ASCC1: variants seen among roughly 807,000 people sequenced by gnomAD.
The protein encoded by ASCC1 is activating signal cointegrator 1 complex subunit 1, also known as ASC-1 complex subunit P50.
ASCC1 carries 35 observed loss-of-function variants against 46.6 expected under a neutral mutation model. The observed-to-expected ratio is 0.75, with a 90% CI of 0.57 to 0.99. The LOEUF (loss-of-function observed/expected upper bound fraction) is 0.99. ASCC1 is among the 50% of genes least tolerant of loss of function. The pLI, the probability that ASCC1 is intolerant of heterozygous loss-of-function variation, is 0.00. For missense variants in ASCC1, 376 were observed against 428.7 expected, an observed-to-expected ratio of 0.88 and a Z score of 1.09; for synonymous variants, 143 against 146.6, an observed-to-expected ratio of 0.98 and a Z score of 0.18.
chr10:72,101,376 G>A (rs1040914661), intron 9 of ASCC1, among the ~76,000 whole-genome samples: 13 of 152,134 alleles, frequency 8.5e-5, no homozygotes, highest in South Asian at 2.1e-4. Flanking sequence ...AAATGCAGCA[G>A]GAGGTAAGGA....
At chr10:72,151,712 C>T (rs1176338278) in intron 7 of ASCC1, among the ~76,000 whole-genome samples, 2 of 150,312 alleles carry the variant, frequency 1.3e-5, no homozygotes, top group African/African-American at 2.5e-5. Context: ...TTTTTTTAGA[C>T]GGAGTCTCGC....
At chr10:72,190,651 T>C (rs1255857625) in intron 5 of ASCC1, 2 of 758,242 alleles carry the variant, frequency 2.6e-6, no homozygotes, top group East Asian at 2.7e-5. Context: ...GTGTTATTTG[T>C]CTGTTAAAGC....
At chr10:72,166,165 T>C (rs1850311423) in intron 5 of ASCC1, among the ~76,000 whole-genome samples, 1 of 152,198 alleles carries the variant, frequency 6.6e-6, no homozygotes, top group Admixed American at 6.5e-5. Context: ...TTGCCCAAAG[T>C]GGGCTAGGAC....
At chr10:72,172,219 G>A (rs1397542280) in intron 5 of ASCC1, among the ~76,000 whole-genome samples, 1 of 151,762 alleles carries the variant, frequency 6.6e-6, no homozygotes, top group African/African-American at 2.4e-5. Context: ...ATCGAGACCA[G>A]CCTGGGCAAC....
At chr10:72,108,432 A>G (rs1487774459) in intron 9 of ASCC1, among the ~76,000 whole-genome samples, 1 of 152,152 alleles carries the variant, frequency 6.6e-6, no homozygotes, top group Non-Finnish European at 1.5e-5. Flanking sequence ...AAGAAAACAA[A>G]CTGTAATTAA....
At chr10:72,145,130 T>C (rs753100911) in intron 7 of ASCC1, among the ~76,000 whole-genome samples, 7 of 152,348 alleles carry the variant, frequency 4.6e-5, no homozygotes, top group Middle Eastern at 3.4e-3. Flanking sequence ...GCTTCTGTTA[T>C]TGTTATTGAG....
intron 9 of ASCC1, among the ~76,000 whole-genome samples, chr10:72,099,713 G>A (rs560617476): frequency 1.3e-5 from 2 of 152,172 alleles, no homozygotes; most frequent in East Asian, 1.9e-4. Context: ...GCAGCTACCC[G>A]GGAGACTGAG....
At chr10:72,175,103 A>C (rs1388127048) in intron 5 of ASCC1, among the ~76,000 whole-genome samples, 1 of 152,210 alleles carries the variant, frequency 6.6e-6, no homozygotes, top group Admixed American at 6.5e-5. Context: ...TATTCAAATA[A>C]GGCAAAGTGA....
At chr10:72,215,162 G>A (rs528578087) in intron 1 of ASCC1, among the ~76,000 whole-genome samples, 1 of 152,320 alleles carries the variant, frequency 6.6e-6, no homozygotes, top group Admixed American at 6.5e-5. Context: ...CAGCACTTTA[G>A]GAGGCCGAGG....
chr10:72,203,649 A>G (rs529047536), intron 3 of ASCC1, 125 bp from the exon 4 acceptor site: 1 of 745,358 alleles, frequency 1.3e-6, no homozygotes, highest in Middle Eastern at 2.4e-4. Context: ...TAAAAGCTCA[A>G]TATTTGCGGA....
intron 5 of ASCC1, chr10:72,190,054 T>G (rs4635010): frequency 0.52 from 395,417 of 756,684 alleles, 107,863 homozygotes; most frequent in African/African-American, 0.77. Flanking sequence ...CCCTCCACAG[T>G]GCTCCCCACC....
intron 9 of ASCC1, among the ~76,000 whole-genome samples, chr10:72,119,930 A>T (rs972916505): frequency 6.6e-6 from 1 of 152,228 alleles, no homozygotes; most frequent in Admixed American, 6.5e-5. Context: ...AAAGAGAAAT[A>T]CTAGTGATTA....
chr10:72,188,121 CTT>C (rs1169395541), intron 5 of ASCC1, among the ~76,000 whole-genome samples: 29 of 124,414 alleles, frequency 2.3e-4, no homozygotes, highest in Admixed American at 1.6e-4. Context: ...AATACTTCTT[CTT>C]TTTTTTTTTT....
intron 8 of ASCC1, among the ~76,000 whole-genome samples, chr10:72,128,571 A>G (rs567586010): frequency 2.0e-5 from 3 of 152,352 alleles, no homozygotes; most frequent in African/African-American, 7.2e-5. Flanking sequence ...AATTTTAAAT[A>G]TGTAAAAATA....
intron 9 of ASCC1, among the ~76,000 whole-genome samples, chr10:72,119,726 A>G (rs890157480): frequency 6.6e-6 from 1 of 152,174 alleles, no homozygotes; most frequent in African/African-American, 2.4e-5. Flanking sequence ...AAGGAAAAAA[A>G]AAAAACCAAC....
chr10:72,151,280 G>C lies in ASCC1; in HGVS notation c.746+1589C>G, dbSNP rs551337541. Among the ~76,000 whole-genome samples the C allele has an allele frequency of 3.9e-5, 6 of 152,340 alleles. No individual in the cohort carries two copies. The South Asian group carries it at 1.2e-3, about 32-fold the overall frequency. The stretch of plus-strand genomic sequence containing the variant: ...ACTATGCAGCCATAAAAAAGGATGA[G>C]TTCACGTCCTTTGTGGACATGGATG... On this transcript the variant is annotated intron_variant, in intron 7 of 9. Coordinates refer to ENST00000672957, the MANE Select transcript of ASCC1 (RefSeq NM_001198800.3).
chr10:72,184,193 C>A, intron 5 of ASCC1, among the ~76,000 whole-genome samples: 2 of 141,882 alleles, frequency 1.4e-5, no homozygotes, highest in African/African-American at 5.2e-5. Flanking sequence ...AAAAGCGGTA[C>A]AAAGAAGAGA....
chr10:72,183,372 C>G (rs915236745), intron 5 of ASCC1, among the ~76,000 whole-genome samples: 3 of 152,112 alleles, frequency 2.0e-5, no homozygotes, highest in African/African-American at 7.2e-5. Context: ...GAAACTATAC[C>G]TGGCCAGGTA....
intron 7 of ASCC1, among the ~76,000 whole-genome samples, chr10:72,152,638 C>A (rs1848499033): frequency 6.6e-6 from 1 of 152,022 alleles, no homozygotes; most frequent in Non-Finnish European, 1.5e-5. Context: ...TGAGATCAGC[C>A]TGGGCATAGT....
Sources: allele counts gnomAD v4.1 joint callset (sites outside exome capture counted in the v4.1 genomes callset), GRCh38; gene constraint gnomAD v4.1.1; transcripts MANE v1.5; gene names NCBI Gene and HGNC (gene_info 2026-07-23, HGNC 2026-07-21).